Variants in PIBF1 observed in about 807,000 individuals in gnomAD.
PIBF1 encodes progesterone immunomodulatory binding factor 1.
In PIBF1, 90 loss-of-function variants were observed where a neutral mutation model predicts 112.5. That is an observed-to-expected ratio of 0.80 (90% CI 0.67 to 0.95). PIBF1 has a LOEUF of 0.95. PIBF1 is among the 40% of genes least tolerant of loss of function. PIBF1 has a pLI of 0.00. For missense variants in PIBF1, 915 were observed against 852.3 expected (o/e 1.07, Z -0.92); for synonymous variants, 301 against 288.6 (o/e 1.04, Z -0.44).
At chr13:73,005,352 G>A (rs929626085) in intron 17 of PIBF1, among the ~76,000 whole-genome samples, 4 of 150,710 alleles carry the variant, frequency 2.7e-5, no homozygotes, top group Non-Finnish European at 3.0e-5. Flanking sequence ...ATGTGCCTAT[G>A]ATGCTAAGCT....
intron 17 of PIBF1, among the ~76,000 whole-genome samples, chr13:73,012,915 C>T (rs1257759919): frequency 1.3e-5 from 2 of 150,898 alleles, no homozygotes; most frequent in African/African-American, 4.9e-5. Flanking sequence ...ATATTTGAAA[C>T]AATAATGACA....
chr13:72,995,136 C>G (rs1174935251), intron 16 of PIBF1, among the ~76,000 whole-genome samples: 2 of 151,092 alleles, frequency 1.3e-5, no homozygotes, highest in African/African-American at 4.9e-5. Flanking sequence ...CCCGTCTCTA[C>G]TAAAAATAAC....
intron 16 of PIBF1, chr13:72,974,315 A>G (rs1018090746): frequency 6.6e-6 from 1 of 152,206 alleles, no homozygotes; most frequent in African/African-American, 2.4e-5. Flanking sequence ...AATATATAGA[A>G]TAGTTCTATT....
chr13:72,880,771 TG>T (rs1334285148), intron 10 of PIBF1, among the ~76,000 whole-genome samples: 10 of 152,198 alleles, frequency 6.6e-5, no homozygotes, highest in African/African-American at 2.4e-4. Context: ...AGACCTTTTT[TG>T]TTCTAGATCC....
At chr13:72,799,598 G>A (rs1256875437) in intron 5 of PIBF1, among the ~76,000 whole-genome samples, 1 of 152,178 alleles carries the variant, frequency 6.6e-6, no homozygotes, top group Non-Finnish European at 1.5e-5. Flanking sequence ...AGTCAAAATA[G>A]TAGAGAACAG....
At chr13:72,836,672 C>T (rs2037375563) in intron 9 of PIBF1, among the ~76,000 whole-genome samples, 1 of 151,958 alleles carries the variant, frequency 6.6e-6, no homozygotes, top group Non-Finnish European at 1.5e-5. Context: ...ATTTTATTCT[C>T]AGGTTTCTTT....
intron 13 of PIBF1, among the ~76,000 whole-genome samples, chr13:72,921,390 G>A (rs940295028): frequency 6.6e-6 from 1 of 152,060 alleles, no homozygotes; most frequent in East Asian, 1.9e-4. Flanking sequence ...AAGGATTACA[G>A]GCATGAGCCA....
chr13:72,897,422 C>T (rs2040322509), intron 11 of PIBF1, among the ~76,000 whole-genome samples: 1 of 152,122 alleles, frequency 6.6e-6, no homozygotes. Context: ...AAAAAAAGTA[C>T]ACATGCAACA....
chr13:72,911,264 G>GTACTCTATAAAGCTTCAATATCAGA (rs2040883458), intron 12 of PIBF1, among the ~76,000 whole-genome samples: 1 of 152,060 alleles, frequency 6.6e-6, no homozygotes, highest in Admixed American at 6.6e-5. Flanking sequence ...TCAATATCAG[G>GTACTCTATAAAGCTTCAATATCAGA]ATAATACAGT....
intron 5 of PIBF1, among the ~76,000 whole-genome samples, chr13:72,814,849 A>G (rs184075243): frequency 1.3e-5 from 2 of 152,354 alleles, no homozygotes; most frequent in Admixed American, 1.3e-4. Flanking sequence ...GGGAAAATAC[A>G]TACAGTTCTA....
intron 14 of PIBF1, among the ~76,000 whole-genome samples, chr13:72,955,143 A>G (rs1427362348): frequency 6.6e-6 from 1 of 152,232 alleles, no homozygotes; most frequent in Non-Finnish European, 1.5e-5. Flanking sequence ...GTTGGACATA[A>G]CATTTATCTT....
At chr13:72,788,939 T>C (rs1420126855) in intron 2 of PIBF1, among the ~76,000 whole-genome samples, 2 of 152,188 alleles carry the variant, frequency 1.3e-5, no homozygotes, top group Admixed American at 1.3e-4. Context: ...GGAATAGTCT[T>C]GGCCGTATTG....
At chr13:72,894,709 C>G (rs1456580945) in intron 11 of PIBF1, among the ~76,000 whole-genome samples, 2 of 148,462 alleles carry the variant, frequency 1.3e-5, no homozygotes, top group Non-Finnish European at 3.0e-5. Context: ...CAAAATTAAA[C>G]TCAGATGGAT....
chr13:72,888,251 T>C (rs2039932185), intron 10 of PIBF1, among the ~76,000 whole-genome samples: 1 of 151,892 alleles, frequency 6.6e-6, no homozygotes, highest in Non-Finnish European at 1.5e-5. Flanking sequence ...TTGAAGGAGG[T>C]TTAATAACAT....
intron 14 of PIBF1, among the ~76,000 whole-genome samples, chr13:72,939,647 G>T (rs933436047): frequency 1.3e-5 from 2 of 152,050 alleles, no homozygotes; most frequent in Non-Finnish European, 2.9e-5. Flanking sequence ...GAACATTTAG[G>T]TTATTTCCAC....
At chr13:72,937,015 TTTTA>T (rs1219955861) in intron 14 of PIBF1, among the ~76,000 whole-genome samples, 2 of 152,202 alleles carry the variant, frequency 1.3e-5, no homozygotes, top group Non-Finnish European at 2.9e-5. Flanking sequence ...GTTTGACATC[TTTTA>T]TTGTCAAACT....
chr13:72,900,038 C>T (rs1293944517), intron 11 of PIBF1, among the ~76,000 whole-genome samples: 1 of 152,006 alleles, frequency 6.6e-6, no homozygotes, highest in Non-Finnish European at 1.5e-5. Flanking sequence ...TAAGAATATT[C>T]CTAACAAAGG....
At chr13:72,904,615 ATTTT>A (rs916636080) in intron 11 of PIBF1, among the ~76,000 whole-genome samples, 1 of 150,462 alleles carries the variant, frequency 6.6e-6, no homozygotes, top group Non-Finnish European at 1.5e-5. Context: ...TAATTTTTGT[ATTTT>A]TAGTAGAGAC....
intron 16 of PIBF1, among the ~76,000 whole-genome samples, chr13:72,991,230 T>C (rs539476159): frequency 6.6e-6 from 1 of 152,336 alleles, no homozygotes; most frequent in South Asian, 2.1e-4. Flanking sequence ...ATGCATGCTT[T>C]TGGATTCAAA....
Sources: gnomAD v4.1 joint callset for allele counts (sites outside exome capture counted in the v4.1 genomes callset) on GRCh38, gnomAD v4.1.1 for gene constraint, MANE v1.5 for transcripts, NCBI Gene and HGNC (gene_info 2026-07-23, HGNC 2026-07-21) for gene names.